BBS9: variants seen among roughly 807,000 people sequenced by gnomAD.
BBS9 encodes the protein protein PTHB1.
BBS9 carries 89 observed loss-of-function variants against 117.7 expected under a neutral mutation model. The observed-to-expected ratio is 0.76, with a 90% CI of 0.64 to 0.90. The LOEUF (loss-of-function observed/expected upper bound fraction) is 0.90. Ranked by LOEUF, BBS9 falls within the 40% of genes least tolerant of loss-of-function variation. The pLI, the probability that BBS9 is intolerant of heterozygous loss-of-function variation, is 0.00. For synonymous variants in BBS9, 379 were observed against 370.9 expected, an observed-to-expected ratio of 1.02 and a Z score of -0.25; for missense variants, 982 against 1,042.2, an observed-to-expected ratio of 0.94 and a Z score of 0.80.
At chr7:33,407,979 G>C (rs1483379345) in intron 19 of BBS9, among the ~76,000 whole-genome samples, 1 of 152,220 alleles carries the variant, frequency 6.6e-6, no homozygotes, top group Non-Finnish European at 1.5e-5. Context: ...GTCAGACAGG[G>C]ACATTTAAGT....
At chr7:33,182,480 C>T (rs1798232798) in intron 5 of BBS9, among the ~76,000 whole-genome samples, 1 of 152,118 alleles carries the variant, frequency 6.6e-6, no homozygotes, top group Non-Finnish European at 1.5e-5. Flanking sequence ...TTTCAAGAGT[C>T]AAAGAAGCAG....
intron 21 of BBS9, among the ~76,000 whole-genome samples, chr7:33,618,344 CA>C (rs35288587): frequency 0.021 from 2,640 of 128,232 alleles, 51 homozygotes; most frequent in East Asian, 0.096. Context: ...AACCTTGTCT[CA>C]AAAAAAAAAA....
At chr7:33,516,391 A>G (rs549968238) in intron 20 of BBS9, among the ~76,000 whole-genome samples, 2 of 147,680 alleles carry the variant, frequency 1.4e-5, no homozygotes, top group Admixed American at 6.9e-5. Flanking sequence ...TGGGAGGCTG[A>G]GGCAGGAGAA....
intron 21 of BBS9, among the ~76,000 whole-genome samples, chr7:33,551,708 A>G (rs1383006171): frequency 1.3e-5 from 2 of 152,178 alleles, no homozygotes; most frequent in African/African-American, 4.8e-5. Context: ...GACAGTCAAT[A>G]TACAGGGAAA....
At chr7:33,476,537 A>G (rs951355517) in intron 19 of BBS9, among the ~76,000 whole-genome samples, 5 of 152,098 alleles carry the variant, frequency 3.3e-5, no homozygotes, top group African/African-American at 1.2e-4. Context: ...CTTTAAACAA[A>G]CCTGGACCCC....
At chr7:33,208,276 C>T (rs752098063) in intron 5 of BBS9, among the ~76,000 whole-genome samples, 52 of 152,202 alleles carry the variant, frequency 3.4e-4, no homozygotes, top group Non-Finnish European at 6.2e-4. Context: ...GTCTATAATA[C>T]ATCTAAAGTA....
intron 21 of BBS9, among the ~76,000 whole-genome samples, chr7:33,566,232 T>C (rs1383787846): frequency 6.6e-6 from 1 of 151,858 alleles, no homozygotes; most frequent in Non-Finnish European, 1.5e-5. Context: ...GATCAAGAAA[T>C]GCTGCAGACA....
intron 21 of BBS9, among the ~76,000 whole-genome samples, chr7:33,619,481 C>A (rs137941472): frequency 7.9e-5 from 12 of 152,112 alleles, no homozygotes; most frequent in African/African-American, 2.6e-4. Context: ...AAACAGCTGA[C>A]CTGAACAAAA....
chr7:33,270,700 T>G (rs912932951), intron 7 of BBS9, among the ~76,000 whole-genome samples: 18 of 152,070 alleles, frequency 1.2e-4, no homozygotes, highest in Admixed American at 3.3e-4. Context: ...CTCCAAGACA[T>G]TTGGCATTAT....
chr7:33,340,771 T>G, intron 10 of BBS9, 126 bp from the exon 11 acceptor site: 1 of 718,938 alleles, frequency 1.4e-6, no homozygotes, highest in South Asian at 1.8e-5. Context: ...ATGCATTAGT[T>G]TTTTCAACTT....
chr7:33,600,209 A>G (rs1863582462), intron 21 of BBS9, among the ~76,000 whole-genome samples: 1 of 152,190 alleles, frequency 6.6e-6, no homozygotes, highest in South Asian at 2.1e-4. Flanking sequence ...ACTTTTTGTT[A>G]CCTGACATTC....
chr7:33,300,520 G>GT (rs1342023602), intron 9 of BBS9, among the ~76,000 whole-genome samples: 3 of 151,556 alleles, frequency 2.0e-5, no homozygotes, highest in African/African-American at 7.3e-5. Context: ...CTTAATTATG[G>GT]TAGGGGAAAT....
intron 9 of BBS9, among the ~76,000 whole-genome samples, chr7:33,330,372 A>G (rs1490704483): frequency 6.6e-6 from 1 of 152,236 alleles, no homozygotes; most frequent in African/African-American, 2.4e-5. Flanking sequence ...CACATGGTTT[A>G]ACTTAAAATG....
At chr7:33,410,696 T>A (rs1830958702) in intron 19 of BBS9, among the ~76,000 whole-genome samples, 1 of 152,174 alleles carries the variant, frequency 6.6e-6, no homozygotes, top group African/African-American at 2.4e-5. Flanking sequence ...CCTTTGACCT[T>A]CTGCTAGCTT....
intron 15 of BBS9, among the ~76,000 whole-genome samples, chr7:33,357,128 C>T (rs1819737314): frequency 1.3e-5 from 2 of 151,676 alleles, no homozygotes; most frequent in Admixed American, 1.3e-4. Context: ...TAATATGAAA[C>T]TCTTCATTGT....
chr7:33,219,868 A>G (rs1789887079), intron 5 of BBS9, among the ~76,000 whole-genome samples: 1 of 152,088 alleles, frequency 6.6e-6, no homozygotes, highest in Non-Finnish European at 1.5e-5. Context: ...CTTTGCAATA[A>G]ATCTTGCTAC....
intron 5 of BBS9, among the ~76,000 whole-genome samples, chr7:33,187,749 T>G (rs536366183): frequency 6.6e-6 from 1 of 151,792 alleles, no homozygotes; most frequent in East Asian, 2.0e-4. Flanking sequence ...TAAAACCCCA[T>G]CTCTACTTAA....
chr7:33,175,502 G>GC (rs1411021375), intron 4 of BBS9, among the ~76,000 whole-genome samples: 2 of 152,090 alleles, frequency 1.3e-5, no homozygotes, highest in African/African-American at 4.8e-5. Flanking sequence ...GTGTTGGGCA[G>GC]CCCTCACAAC....
rs138791472 is a variant in BBS9, at chr7:33,350,513, G to C, written c.1433-706G>C. Among the ~76,000 whole-genome samples, 780 of 152,274 alleles carry C rather than the reference G, an allele frequency of 5.1e-3. 8 individuals carry two copies. The highest frequency in any genetic ancestry group is 0.017 in the African/African-American group (704 of 41,550). On this transcript the variant is annotated intron_variant, in intron 13 of 22. Transcript: ENST00000242067. ...GATGAGCACGCACAATCTGTTAAGTGGCTACTGTGTAACACTCCTCATCCA... is the reference window on the plus strand; with the variant it reads ...GATGAGCACGCACAATCTGTTAAGTCGCTACTGTGTAACACTCCTCATCCA...
Sources: allele counts gnomAD v4.1 joint callset (sites outside exome capture counted in the v4.1 genomes callset), GRCh38; gene constraint gnomAD v4.1.1; transcripts MANE v1.5; gene names NCBI Gene and HGNC (gene_info 2026-07-23, HGNC 2026-07-21).